Variants in FRMD6 observed in about 807,000 individuals in gnomAD.
FRMD6 encodes FERM domain containing 6, also known as FERM domain-containing protein 6.
In FRMD6, 37 loss-of-function variants were observed where a neutral mutation model predicts 73.2. That is an observed-to-expected ratio of 0.51 (90% CI 0.39 to 0.66). FRMD6 has a LOEUF of 0.66. Among genes scored for constraint, FRMD6 ranks in the 30% least tolerant of loss-of-function variants. The probability of loss-of-function intolerance (pLI) is 0.00; values close to 1 mark genes in which losing one functional copy is unlikely to be tolerated. For synonymous variants in FRMD6, 273 were observed against 282.2 expected (o/e 0.97, Z 0.33); for missense variants, 714 against 780.5 (o/e 0.91, Z 1.02).
chr14:51,417,393 G>T, the FRMD6 span, among the ~76,000 whole-genome samples: 2 of 152,136 alleles, frequency 1.3e-5, no homozygotes, highest in Non-Finnish European at 2.9e-5. Context: ...AAGGATTTTA[G>T]TTCTCCTTCA....
chr14:51,454,137 C>G, the FRMD6 span, among the ~76,000 whole-genome samples: 7 of 152,174 alleles, frequency 4.6e-5, no homozygotes, highest in Non-Finnish European at 1.0e-4. Context: ...TAATGCCTCC[C>G]TTGGCACAGG....
intron 1 of FRMD6, among the ~76,000 whole-genome samples, chr14:51,673,717 A>G (rs887332990): frequency 1.3e-5 from 2 of 152,128 alleles, no homozygotes; most frequent in African/African-American, 4.8e-5. Flanking sequence ...AAAAATGTGG[A>G]GGGGAAAAAA....
chr14:51,623,463 A>G (rs1891005746), intron 2 of FRMD6, among the ~76,000 whole-genome samples: 1 of 152,202 alleles, frequency 6.6e-6, no homozygotes, highest in Admixed American at 6.5e-5. Flanking sequence ...TAATTCTGCA[A>G]ATTACTCAGC....
the FRMD6 span, among the ~76,000 whole-genome samples, chr14:51,447,530 G>A: frequency 1.3e-5 from 2 of 152,124 alleles, no homozygotes; most frequent in African/African-American, 4.8e-5. Flanking sequence ...TGCTCAGACT[G>A]CACCATCTGG....
the FRMD6 span, among the ~76,000 whole-genome samples, chr14:51,476,956 T>A: frequency 1.3e-5 from 2 of 152,032 alleles, no homozygotes; most frequent in Non-Finnish European, 2.9e-5. Flanking sequence ...AGAACACAAA[T>A]TAAGGAGTGA....
At chr14:51,491,051 A>C (rs1282316079) in intron 1 of FRMD6, among the ~76,000 whole-genome samples, 1 of 152,142 alleles carries the variant, frequency 6.6e-6, no homozygotes, top group South Asian at 2.1e-4. Flanking sequence ...CTGGGAATGA[A>C]GTTGAATGGG....
intron 1 of FRMD6, among the ~76,000 whole-genome samples, chr14:51,529,744 A>G (rs1359182246): frequency 2.6e-5 from 4 of 152,222 alleles, no homozygotes; most frequent in Admixed American, 2.6e-4. Context: ...ACCTGAGGTG[A>G]TATCTCATAA....
At chr14:51,722,138 C>A (rs1302191360) in intron 12 of FRMD6, 58 bp downstream of exon 12, 3 of 1,591,608 alleles carry the variant, frequency 1.9e-6, no homozygotes, top group Non-Finnish European at 2.6e-6. Context: ...GACTGAAAAA[C>A]ACATGCCTCA....
At chr14:51,588,620 G>A (rs1889192652) in intron 2 of FRMD6, among the ~76,000 whole-genome samples, 1 of 152,182 alleles carries the variant, frequency 6.6e-6, no homozygotes, top group Non-Finnish European at 1.5e-5. Flanking sequence ...CAGCTTGAAT[G>A]CTCACATGAG....
At chr14:51,531,547 T>A (rs1245428926) in intron 1 of FRMD6, among the ~76,000 whole-genome samples, 1 of 152,196 alleles carries the variant, frequency 6.6e-6, no homozygotes, top group African/African-American at 2.4e-5. Flanking sequence ...GGTGCCAATG[T>A]TTATTAGTTT....
At chr14:51,607,113 G>T (rs1890291969) in intron 2 of FRMD6, among the ~76,000 whole-genome samples, 3 of 152,014 alleles carry the variant, frequency 2.0e-5, no homozygotes, top group Non-Finnish European at 4.4e-5. Context: ...AATCTCCTCT[G>T]GAAACACCCT....
intron 1 of FRMD6, among the ~76,000 whole-genome samples, chr14:51,556,045 AC>A (rs766740757): frequency 5.9e-5 from 9 of 152,214 alleles, no homozygotes; most frequent in African/African-American, 9.6e-5. Flanking sequence ...CTCCTTCAAA[AC>A]TAGGGCTAAG....
At chr14:51,547,047 T>A (rs1886512564) in intron 1 of FRMD6, among the ~76,000 whole-genome samples, 2 of 152,162 alleles carry the variant, frequency 1.3e-5, no homozygotes, top group South Asian at 4.2e-4. Context: ...CTTAGAAATT[T>A]TGAAAGCAGT....
chr14:51,411,385 G>T, the FRMD6 span, among the ~76,000 whole-genome samples: 1 of 152,154 alleles, frequency 6.6e-6, no homozygotes, highest in African/African-American at 2.4e-5. Context: ...AGACATGGAG[G>T]GGGAAGGAGA....
chr14:51,664,590 T>A (rs937476001), intron 1 of FRMD6, among the ~76,000 whole-genome samples: 1 of 152,192 alleles, frequency 6.6e-6, no homozygotes, highest in African/African-American at 2.4e-5. Context: ...AATACCAAAG[T>A]ATAGTATTAG....
In FRMD6 at chr14:51,677,734, C is replaced by T. The variant is rs193009634; in HGVS notation, c.-146-11957C>T. Among the ~76,000 whole-genome samples, 94 of 152,238 alleles carry T rather than the reference C, an allele frequency of 6.2e-4. 1 individual carries two copies. Among genetic ancestry groups the T allele is most frequent in the African/African-American group, 1.9e-3 (81 of 41,550 alleles). ...TTTTGGTTTTAATGTCCGTGTACTT[C>T]AGGGGAAGTTAACACACCGCCAGAT... On this transcript the variant is annotated intron_variant, in intron 1 of 13. Transcript: ENST00000344768.
the FRMD6 span, among the ~76,000 whole-genome samples, chr14:51,403,632 G>C: frequency 6.6e-6 from 1 of 151,952 alleles, no homozygotes; most frequent in Non-Finnish European, 1.5e-5. Context: ...GAACTCCTGG[G>C]CTCATGCAGT....
chr14:51,682,705 G>T (rs1894887600), intron 1 of FRMD6, among the ~76,000 whole-genome samples: 1 of 152,136 alleles, frequency 6.6e-6, no homozygotes, highest in Non-Finnish European at 1.5e-5. Flanking sequence ...ATGATTGCCA[G>T]CAACTCCAGG....
chr14:51,664,988 C>G lies in FRMD6; in HGVS notation c.-147+12992C>G, dbSNP rs150091745. On this transcript the variant is annotated intron_variant, in intron 1 of 13. Transcript: ENST00000344768. ...AAACTGAGCAAGTTTTGAAATAAAT[C>G]TTATGTCACTTGTCAGTGACTACAG... Among the ~76,000 whole-genome samples, 304 of 152,260 alleles carry G rather than the reference C, an allele frequency of 2.0e-3. 1 individual carries two copies. Among genetic ancestry groups the G allele is most frequent in the Non-Finnish European group, 3.0e-3 (205 of 68,018 alleles).
Sources: allele counts gnomAD v4.1 joint callset (sites outside exome capture counted in the v4.1 genomes callset), GRCh38; gene constraint gnomAD v4.1.1; transcripts MANE v1.5; gene names NCBI Gene and HGNC (gene_info 2026-07-23, HGNC 2026-07-21).